Variants in TMEM114 observed in about 807,000 individuals in gnomAD.
TMEM114 encodes the protein claudin-26.
TMEM114 carries 6 observed loss-of-function variants against 6.2 expected under a neutral mutation model. The ratio of observed to expected loss-of-function variants is 0.97; its 90% CI spans 0.53 to 1.91. The LOEUF is 1.91. Ranked by LOEUF, TMEM114 falls within the 40% of genes most tolerant of loss-of-function variation. The pLI, the probability that TMEM114 is intolerant of heterozygous loss-of-function variation, is 0.01. For synonymous variants in TMEM114, 104 were observed against 73.0 expected, an observed-to-expected ratio of 1.42 and a Z score of -2.16; for missense variants, 218 against 158.3, an observed-to-expected ratio of 1.38 and a Z score of -2.02.
rs62646467 is a variant in TMEM114, at chr16:8,563,429, G to C, written n.213-25603C>G. 6.6e-5 allele frequency among the ~76,000 whole-genome samples: 9 copies of C among 135,414 alleles called. 2 individuals carry two copies. The highest frequency in any genetic ancestry group is 2.3e-4 in the African/African-American group (8 of 35,322). 88.8% of individuals were successfully genotyped at this position (135,414 alleles called of 152,430 possible). ...AGTGAGTTAATTAGTGAGTGAATGA[G>C]TGAGGCAATGAGTAAGTGAATGAGT... is the stretch of plus-strand genomic sequence containing the variant. On this transcript the variant is annotated intron_variant and non_coding_transcript_variant, in intron 2 of 2. Coordinates refer to the TMEM114 transcript ENST00000623677.
intron 2 of TMEM114, among the ~76,000 whole-genome samples, chr16:8,575,867 G>A (rs1022330397): frequency 2.0e-5 from 3 of 152,192 alleles, no homozygotes; most frequent in African/African-American, 7.2e-5. Flanking sequence ...TGGTAATGTG[G>A]AAAGCCTGTT....
At chr16:8,543,723 C>A (rs1199462495) in intron 2 of TMEM114, among the ~76,000 whole-genome samples, 1 of 152,206 alleles carries the variant, frequency 6.6e-6, no homozygotes, top group Non-Finnish European at 1.5e-5. Flanking sequence ...CATGAACCCA[C>A]CTGTCTCTCT....
chr16:8,545,475 C>T (rs1220168938), intron 2 of TMEM114, among the ~76,000 whole-genome samples: 1 of 152,140 alleles, frequency 6.6e-6, no homozygotes, highest in African/African-American at 2.4e-5. Context: ...ACCATCATCA[C>T]CATCATCATC....
chr16:8,551,185 C>G (rs957314224), intron 2 of TMEM114, among the ~76,000 whole-genome samples: 1 of 152,056 alleles, frequency 6.6e-6, no homozygotes, highest in African/African-American at 2.4e-5. Flanking sequence ...AACCAAGAAC[C>G]AGGAACAAGA....
chr16:8,575,645 C>T (rs1901895595), intron 2 of TMEM114, among the ~76,000 whole-genome samples: 1 of 152,164 alleles, frequency 6.6e-6, no homozygotes. Context: ...ACTTTATAAC[C>T]TTCAAGCCTC....
At chr16:8,539,263 G>T (rs1048400338) in intron 2 of TMEM114, among the ~76,000 whole-genome samples, 1 of 152,042 alleles carries the variant, frequency 6.6e-6, no homozygotes, top group Non-Finnish European at 1.5e-5. Context: ...TGAATTCCAG[G>T]ATGTGATCTG....
At chr16:8,558,026 G>C (rs1436194486) in intron 2 of TMEM114, among the ~76,000 whole-genome samples, 1 of 152,140 alleles carries the variant, frequency 6.6e-6, no homozygotes, top group Non-Finnish European at 1.5e-5. Context: ...GGCTAAGGCA[G>C]GCGGATCACC....
chr16:8,580,287 G>T (rs1596313113), intron 2 of TMEM114, among the ~76,000 whole-genome samples: 1 of 152,168 alleles, frequency 6.6e-6, no homozygotes, highest in South Asian at 2.1e-4. Context: ...AGGAGTTTGA[G>T]ATCAGCGTGG....
In TMEM114 at chr16:8,572,086, C is replaced by A. The variant is rs1180125212; in HGVS notation, c.439+1G>T. On this transcript the variant is annotated splice_donor_variant, in intron 3 of 3. Coordinates refer to ENST00000620492, the MANE Select transcript of TMEM114 (RefSeq NM_001146336.2). LOFTEE classifies it high-confidence loss of function. ...GAGCCCTAGGCAGGGTGGGCACCTA[C>A]CTCCAAAGAGGAAGAGAATTCCAGT... The A allele has an allele frequency of 6.5e-6, 10 of 1,543,116 alleles. No individual in the cohort carries two copies. Among genetic ancestry groups the A allele is most frequent in the Non-Finnish European group, 8.8e-6 (10 of 1,142,670 alleles).
At position 8,569,708 on chromosome 16, in the gene TMEM114, G is replaced by A; in HGVS notation, c.*65C>T. The A allele has an allele frequency of 3.4e-6, 5 of 1,483,450 alleles. No homozygotes were observed. The South Asian group carries it at 4.0e-5, about 12-fold the overall frequency. The allele number at this position is 1,483,450 out of a possible 1,614,324, so 91.9% of individuals were successfully genotyped here. On this transcript the variant is annotated 3_prime_UTR_variant, in exon 4 of 4. Transcript: ENST00000620492. ...TGAGGAAGAAGAGGCCGCAGCCGAT[G>A]GAGATCGGTCGGTGAAGCTCCGGGG...
chr16:8,590,221 G>C lies in TMEM114; in HGVS notation c.-383C>G, dbSNP rs1902441936. The C allele has an allele frequency of 5.0e-6, 1 of 198,084 alleles. No homozygotes were observed. Among genetic ancestry groups the C allele is most frequent in the Non-Finnish European group, 1.0e-5 (1 of 98,588 alleles). The allele number at this position is 198,084 out of a possible 1,614,324, so 12.3% of individuals were successfully genotyped here. A position where few individuals can be genotyped will look rare whatever the true frequency, so the allele number is the denominator to read the frequency against. ...CGTCCCTCAGCCCCACTCCACCCTC[G>C]GCCCTCCACGCCCAGCCCAAGCGGA... On this transcript the variant is annotated 5_prime_UTR_variant, in exon 1 of 4. Coordinates refer to ENST00000620492, the MANE Select transcript of TMEM114 (RefSeq NM_001146336.2).
chr16:8,566,526 G>A (rs553610463), downstream of TMEM114, among the ~76,000 whole-genome samples: 2 of 152,296 alleles, frequency 1.3e-5, no homozygotes, highest in African/African-American at 4.8e-5. Context: ...GAATGGATCA[G>A]AATAGAACAG....
Position 8,552,508 on chromosome 16 carries a change from G to GCA in TMEM114, n.213-14684_213-14683dup, listed in dbSNP as rs1555462391. On this transcript the variant is annotated intron_variant and non_coding_transcript_variant, in intron 2 of 2. Transcript: ENST00000623677. Reference sequence around the variant, plus strand: ...ACATAGCAGAAATTTGCACAAAACTGCACACACACACACACACACACAAAG... The same window carrying GCA: ...ACATAGCAGAAATTTGCACAAAACTGCACACACACACACACACACACACAAAG... Among the ~76,000 whole-genome samples the GCA allele has an allele frequency of 1.6e-3, 235 of 146,628 alleles. 1 individual carries two copies. The highest frequency in any genetic ancestry group is 7.8e-3 in the South Asian group (36 of 4,614).
At chr16:8,560,948 C>G (rs114536595) in intron 2 of TMEM114, among the ~76,000 whole-genome samples, 2,300 of 152,274 alleles carry the variant, frequency 0.015, 61 homozygotes, top group African/African-American at 0.052. Flanking sequence ...TGGCAGAAGG[C>G]AAAAGACACG....
chr16:8,537,088 C>A (rs1900382459), downstream of TMEM114, among the ~76,000 whole-genome samples: 2 of 152,098 alleles, frequency 1.3e-5, no homozygotes, highest in Admixed American at 1.3e-4. Context: ...TACCTGTAGT[C>A]CCAGCTTCTT....
intron 2 of TMEM114, among the ~76,000 whole-genome samples, chr16:8,554,000 G>C (rs1001787667): frequency 6.6e-6 from 1 of 151,450 alleles, no homozygotes; most frequent in Admixed American, 6.6e-5. Context: ...TGTGTCAGCC[G>C]CCTGAATAGC....
chr16:8,550,701 A>G (rs1596471266), intron 2 of TMEM114, among the ~76,000 whole-genome samples: 1 of 117,938 alleles, frequency 8.5e-6, no homozygotes, highest in Admixed American at 8.4e-5. Context: ...AAAAAAAACC[A>G]AAAAAAAAAA....
At chr16:8,559,336 C>T (rs989133262) in intron 2 of TMEM114, among the ~76,000 whole-genome samples, 2 of 152,242 alleles carry the variant, frequency 1.3e-5, no homozygotes, top group Non-Finnish European at 2.9e-5. Context: ...AGCCGCCGGA[C>T]CCTGCCTTAA....
downstream of TMEM114, among the ~76,000 whole-genome samples, chr16:8,533,109 T>C (rs112632577): frequency 5.3e-5 from 8 of 151,768 alleles, no homozygotes; most frequent in African/African-American, 1.7e-4. Context: ...AAAGCTTACA[T>C]TGGACTGGAA....
Sources: gnomAD v4.1 joint callset for allele counts (sites outside exome capture counted in the v4.1 genomes callset) on GRCh38, gnomAD v4.1.1 for gene constraint, MANE v1.5 for transcripts, NCBI Gene and HGNC (gene_info 2026-07-23, HGNC 2026-07-21) for gene names.